The following FRY variants were observed in gnomAD, a reference collection of about 807,000 sequenced individuals.
FRY encodes the protein protein furry homolog.
FRY carries 128 observed loss-of-function variants against 348.4 expected under a neutral mutation model. The ratio of observed to expected loss-of-function variants is 0.37; its 90% CI spans 0.32 to 0.43. The LOEUF (loss-of-function observed/expected upper bound fraction) is 0.43, where lower values mean the gene tolerates loss of function less well. FRY is among the 20% of genes least tolerant of loss of function. FRY has a pLI of 1.00. For missense variants in FRY, 2,736 were observed against 3,695.2 expected (o/e 0.74, Z 6.73); for synonymous variants, 1,370 against 1,374.7 (o/e 1.00, Z 0.08).
At chr13:32,055,488 G>T (rs1873575746) in intron 1 of FRY, among the ~76,000 whole-genome samples, 1 of 152,116 alleles carries the variant, frequency 6.6e-6, no homozygotes, top group Admixed American at 6.5e-5. Flanking sequence ...ATCACTTATG[G>T]AACCTTTAAA....
At chr13:32,282,235 A>G (rs1454721099) in intron 58 of FRY, among the ~76,000 whole-genome samples, 1 of 152,198 alleles carries the variant, frequency 6.6e-6, no homozygotes, top group Non-Finnish European at 1.5e-5. Flanking sequence ...GATTCTCTCC[A>G]ACACTCCTGT....
At chr13:32,158,636 C>T (rs117729834) in intron 16 of FRY, among the ~76,000 whole-genome samples, 3,346 of 152,108 alleles carry the variant, frequency 0.022, 54 homozygotes, top group Non-Finnish European at 0.033. Context: ...AAATGCATTA[C>T]GCCAGGCATG....
intron 55 of FRY, 28 bp downstream of exon 55, chr13:32,267,387 G>A (rs1190676828): frequency 6.3e-6 from 10 of 1,598,894 alleles, no homozygotes; most frequent in Non-Finnish European, 7.7e-6. Context: ...AAGTGCAGAG[G>A]ACTTAGTTTC....
chr13:32,066,445 T>A (rs1156332896), intron 1 of FRY, among the ~76,000 whole-genome samples: 4 of 152,212 alleles, frequency 2.6e-5, no homozygotes, highest in African/African-American at 9.6e-5. Context: ...CAGGTATACA[T>A]CCCTAACAGT....
At chr13:32,063,694 A>T (rs1874078044) in intron 1 of FRY, among the ~76,000 whole-genome samples, 1 of 152,190 alleles carries the variant, frequency 6.6e-6, no homozygotes, top group Non-Finnish European at 1.5e-5. Context: ...CAGAATCTGC[A>T]CTTTAACGAA....
chr13:32,077,229 T>C (rs1176592479), intron 1 of FRY, among the ~76,000 whole-genome samples: 3 of 152,132 alleles, frequency 2.0e-5, no homozygotes, highest in Non-Finnish European at 4.4e-5. Context: ...TGAGGCTGGA[T>C]GATGGTAATT....
At chr13:32,095,608 G>T (rs1005136176) in intron 2 of FRY, among the ~76,000 whole-genome samples, 12 of 152,156 alleles carry the variant, frequency 7.9e-5, no homozygotes, top group Admixed American at 7.9e-4. Flanking sequence ...CTCCCAAAGT[G>T]CTGAGATTAT....
At chr13:32,259,841 C>A (rs911226997) in intron 51 of FRY, among the ~76,000 whole-genome samples, 1 of 151,956 alleles carries the variant, frequency 6.6e-6, no homozygotes, top group Non-Finnish European at 1.5e-5. Flanking sequence ...CAACAGTTAG[C>A]CATTTTCTAC....
rs187479068 is a variant in FRY, at chr13:32,249,793, A to G, written c.7170+106A>G. On this transcript the variant is annotated intron_variant, in intron 49 of 60. Coordinates refer to ENST00000542859, the MANE Select transcript of FRY (RefSeq NM_023037.3). ...CTCTCACCATCCCAAGGTTGCCCAT[A>G]TAGGTCTCAGCACTTCCAGGGATGG... 44 of 1,004,914 alleles carry G rather than the reference A, an allele frequency of 4.4e-5. 1 individual carries two copies. The African/African-American group carries it at 5.2e-4, about 12-fold the overall frequency. 62.2% of individuals were successfully genotyped at this position (1,004,914 alleles called of 1,614,324 possible).
At chr13:32,170,547 G>GT (rs1184379718) in intron 17 of FRY, among the ~76,000 whole-genome samples, 6 of 152,096 alleles carry the variant, frequency 3.9e-5, no homozygotes, top group African/African-American at 1.4e-4. Context: ...GTTTTGTTTT[G>GT]TTTTTCTGAG....
At chr13:32,040,258 G>A (rs923323440) in intron 1 of FRY, among the ~76,000 whole-genome samples, 6 of 152,184 alleles carry the variant, frequency 3.9e-5, no homozygotes, top group African/African-American at 1.4e-4. Context: ...TCAATAAAAT[G>A]TTTGAACTGT....
In FRY at chr13:32,237,463, C is replaced by A. The variant is rs1303285642; in HGVS notation, c.5895C>A (p.Thr1965=). Residue 1965 remains threonine, a synonymous_variant, in exon 44 of 61, where the codon ACC becomes ACA. Coordinates refer to ENST00000542859, the MANE Select transcript of FRY (RefSeq NM_023037.3). The surrounding 1 kb of genome is among the most constrained non-coding windows in gnomAD (Gnocchi z 6.3). ...GACAACTAAACATGAACCCGGGAACCACCAGCGGCAACACCGCAACTGCCG... is the reference window on the plus strand; with the variant it reads ...GACAACTAAACATGAACCCGGGAACAACCAGCGGCAACACCGCAACTGCCG... ...STGQLNMNPG[T]TSGNTATAER... is the part of the protein sequence containing the mutation. 1.9e-6 allele frequency: 3 copies of A among 1,614,052 alleles called. No individual in the cohort carries two copies. The highest frequency in any genetic ancestry group is 3.3e-5 in the Admixed American group (2 of 60,014).
At chr13:32,294,226 C>A in intron 59 of FRY, 142 bp from the exon 60 acceptor site, 1 of 663,112 alleles carries the variant, frequency 1.5e-6, no homozygotes. Context: ...CCATGGAGTA[C>A]AATGTCATCT....
chr13:32,171,386 A>G, intron 18 of FRY, 116 bp downstream of exon 18: 1 of 806,594 alleles, frequency 1.2e-6, no homozygotes, highest in South Asian at 1.7e-5. Context: ...ATCTTGACTC[A>G]CTGCAACCTC....
intron 3 of FRY, among the ~76,000 whole-genome samples, chr13:32,102,696 G>A (rs992509967): frequency 2.0e-5 from 3 of 152,174 alleles, no homozygotes; most frequent in African/African-American, 7.2e-5. Flanking sequence ...TATGAAATCA[G>A]GATCTGATAG....
intron 55 of FRY, among the ~76,000 whole-genome samples, chr13:32,270,333 G>A (rs1291062102): frequency 6.6e-6 from 1 of 151,316 alleles, no homozygotes; most frequent in Non-Finnish European, 1.5e-5. Context: ...GCAGCCTCCC[G>A]AGTAGCTGGG....
chr13:32,294,635 G>T, intron 60 of FRY, 65 bp downstream of exon 60: 1 of 1,243,710 alleles, frequency 8.0e-7, no homozygotes. Context: ...ACTCTGTCAT[G>T]GTTGGAGTCT....
At chr13:32,107,351 A>T (rs1269709727) in intron 3 of FRY, among the ~76,000 whole-genome samples, 1 of 152,216 alleles carries the variant, frequency 6.6e-6, no homozygotes, top group East Asian at 1.9e-4. Flanking sequence ...TCTCAAAAAT[A>T]AAAAATAAAA....
chr13:32,126,487 CT>C (rs971432079), intron 7 of FRY, among the ~76,000 whole-genome samples: 5 of 152,130 alleles, frequency 3.3e-5, no homozygotes, highest in Non-Finnish European at 7.4e-5. Context: ...CCAATGGTGG[CT>C]TTTTTTATTT....
Sources: allele counts gnomAD v4.1 joint callset (sites outside exome capture counted in the v4.1 genomes callset), GRCh38; gene constraint gnomAD v4.1.1; non-coding constraint Gnocchi (gnomAD v3.1); transcripts MANE v1.5; gene names NCBI Gene and HGNC (gene_info 2026-07-23, HGNC 2026-07-21).